The following GGTA1 variants were observed in gnomAD, a reference collection of about 807,000 sequenced individuals.
GGTA1 encodes glycoprotein alpha-galactosyltransferase 1 (inactive), also known as inactive N-acetyllactosaminide alpha-1,3-galactosyltransferase.
In GGTA1, 5 loss-of-function variants were observed where a neutral mutation model predicts 2.6. The observed-to-expected ratio is 1.92, with a 90% CI of 1.00 to 4.04. The LOEUF (loss-of-function observed/expected upper bound fraction) is 4.04. GGTA1 is among the 30% of genes most tolerant of loss of function. The pLI is 0.00. For synonymous variants in GGTA1, 17 were observed against 5.0 expected, an observed-to-expected ratio of 3.38 and a Z score of -3.19; for missense variants, 50 against 16.7, an observed-to-expected ratio of 2.99 and a Z score of -3.47.
intron 5 of GGTA1, among the ~76,000 whole-genome samples, chr9:121,459,838 A>T (rs2064945091): frequency 6.6e-6 from 1 of 152,208 alleles, no homozygotes; most frequent in Non-Finnish European, 1.5e-5. Flanking sequence ...TCTCAAATAC[A>T]ACCATGTTGA....
chr9:121,485,619 C>T (rs1006623874), intron 1 of GGTA1, among the ~76,000 whole-genome samples: 10 of 152,120 alleles, frequency 6.6e-5, no homozygotes, highest in African/African-American at 1.4e-4. Context: ...GGACTCAGGC[C>T]GGGCTCTGGA....
intron 1 of GGTA1, among the ~76,000 whole-genome samples, chr9:121,478,597 G>A (rs1303448763): frequency 1.3e-5 from 2 of 152,174 alleles, no homozygotes; most frequent in African/African-American, 4.8e-5. Context: ...TACAATTCAC[G>A]GGGAAGCAGG....
intron 5 of GGTA1, among the ~76,000 whole-genome samples, chr9:121,457,354 C>G (rs2064919930): frequency 6.6e-6 from 1 of 152,166 alleles, no homozygotes; most frequent in Admixed American, 6.5e-5. Context: ...AGGATGGTAT[C>G]TAATCTCACT....
In GGTA1 at chr9:121,488,230, G is replaced by A. The variant is rs963564324; in HGVS notation, c.-10+11420C>T. Among the ~76,000 whole-genome samples the A allele has an allele frequency of 4.6e-5, 7 of 152,202 alleles. No individual in the cohort carries two copies. The East Asian group carries it at 1.4e-3, about 29-fold the overall frequency. ...TCAGACATGATCATAGCACACTGTA[G>A]TCTCAAGCTCCTGGCCTCAAGCAAT... On this transcript the variant is annotated intron_variant, in intron 1 of 5. Coordinates refer to ENST00000481799, the MANE Select transcript of GGTA1 (RefSeq NM_001382585.1).
chr9:121,459,526 CA>C (rs1172581899), intron 5 of GGTA1, among the ~76,000 whole-genome samples: 1 of 152,242 alleles, frequency 6.6e-6, no homozygotes, highest in Non-Finnish European at 1.5e-5. Flanking sequence ...ATCTCCAGCA[CA>C]TACCATCTGC....
Position 121,476,201 on chromosome 9 carries a change from C to T in GGTA1, c.-9-8270G>A, listed in dbSNP as rs1326087330. Among the ~76,000 whole-genome samples the T allele has an allele frequency of 1.3e-5, 2 of 152,092 alleles. No individual in the cohort carries two copies. The highest frequency in any genetic ancestry group is 2.4e-5 in the African/African-American group (1 of 41,408). ...CAGCATCTCTCAGAACAGTCAGGAG[C>T]GAGTCCACACGCCAACTGCATGTTG... On this transcript the variant is annotated intron_variant, in intron 1 of 5. Transcript: ENST00000481799. This position sits in a 1 kb window ranked among gnomAD's most constrained non-coding sequence, Gnocchi z 4.6.
chr9:121,495,265 G>T (rs756493544), intron 1 of GGTA1, among the ~76,000 whole-genome samples: 3 of 151,972 alleles, frequency 2.0e-5, no homozygotes, highest in Non-Finnish European at 4.4e-5. Context: ...ACTATCCTGG[G>T]CCAGGCATGG....
At chr9:121,488,933 G>A (rs995485715) in intron 1 of GGTA1, among the ~76,000 whole-genome samples, 1 of 152,032 alleles carries the variant, frequency 6.6e-6, no homozygotes, top group African/African-American at 2.4e-5. Context: ...CAAGGATGTT[G>A]ACATCTTGAA....
intron 4 of GGTA1, 65 bp downstream of exon 4, chr9:121,461,187 G>C (rs909053330): frequency 2.3e-6 from 1 of 427,388 alleles, no homozygotes; most frequent in Non-Finnish European, 4.6e-6. Context: ...TGAAACCATT[G>C]TGTGTGGACC....
chr9:121,487,895 T>C (rs1449242892), intron 1 of GGTA1, among the ~76,000 whole-genome samples: 1 of 152,088 alleles, frequency 6.6e-6, no homozygotes, highest in Non-Finnish European at 1.5e-5. Context: ...TTTGTATTTT[T>C]AGCAGAGATG....
In GGTA1 at chr9:121,463,313, G is replaced by GATATATCACTTTTAGCAC; in HGVS notation, c.95_96insGTGCTAAAAGTGATATAT (p.Phe32delinsLeuCysTer). 2.2e-6 allele frequency: 1 copy of GATATATCACTTTTAGCAC among 452,148 alleles called. No homozygotes were observed. Among genetic ancestry groups the GATATATCACTTTTAGCAC allele is most frequent in the Non-Finnish European group, 4.4e-6 (1 of 225,456 alleles). The allele number at this position is 452,148 out of a possible 1,614,324, so 28.0% of individuals were successfully genotyped here. Reference sequence around the variant, plus strand: ...CTTACTTTGAGTGATATATCCACAAGAAAGAGCCTTCTGTGCTAAAAGCAA... The same window carrying GATATATCACTTTTAGCAC: ...CTTACTTTGAGTGATATATCCACAAGATATATCACTTTTAGCACAAAGAGCCTTCTGTGCTAAAAGCAA... On this transcript the variant is annotated stop_gained and protein_altering_variant, in exon 3 of 6. Transcript: ENST00000481799. LOFTEE classifies it high-confidence loss of function.
At chr9:121,454,483 T>A (rs535867397), downstream of GGTA1, among the ~76,000 whole-genome samples, 64 of 152,270 alleles carry the variant, frequency 4.2e-4, no homozygotes, top group African/African-American at 1.5e-3. Context: ...TAGGTGCTAT[T>A]TTGATTCCCA....
downstream of GGTA1, among the ~76,000 whole-genome samples, chr9:121,454,018 A>T (rs953276888): frequency 6.6e-6 from 1 of 152,062 alleles, no homozygotes; most frequent in Admixed American, 6.6e-5. Context: ...CACAGCTGGA[A>T]CTGGCCTGCT....
intron 1 of GGTA1, among the ~76,000 whole-genome samples, chr9:121,481,958 T>G (rs925173877): frequency 1.3e-5 from 2 of 150,080 alleles, no homozygotes; most frequent in Admixed American, 1.3e-4. Context: ...ATCATGCCAT[T>G]GCACTCCAGC....
At chr9:121,493,917 C>A (rs1307052612) in intron 1 of GGTA1, among the ~76,000 whole-genome samples, 1 of 152,002 alleles carries the variant, frequency 6.6e-6, no homozygotes, top group African/African-American at 2.4e-5. Flanking sequence ...CAACCACGCC[C>A]AGCTAATTTT....
downstream of GGTA1, among the ~76,000 whole-genome samples, chr9:121,450,438 C>T (rs946255675): frequency 1.8e-4 from 28 of 152,104 alleles, no homozygotes; most frequent in African/African-American, 6.5e-4. Flanking sequence ...GAAAACAAAC[C>T]AAACATTACA....
At chr9:121,450,810 C>A (rs944865997), downstream of GGTA1, among the ~76,000 whole-genome samples, 1 of 152,166 alleles carries the variant, frequency 6.6e-6, no homozygotes, top group Non-Finnish European at 1.5e-5. Context: ...GTTAGAGAGA[C>A]CACATAGGTC....
chr9:121,450,983 C>G (rs115734353), downstream of GGTA1, among the ~76,000 whole-genome samples: 1,114 of 152,214 alleles, frequency 7.3e-3, 15 homozygotes, highest in African/African-American at 0.026. Context: ...CTCAGATCAA[C>G]CTGAGCCTTC....
intron 4 of GGTA1, among the ~76,000 whole-genome samples, 161 bp downstream of exon 4, chr9:121,461,091 C>T (rs1309209904): frequency 6.6e-6 from 1 of 152,154 alleles, no homozygotes; most frequent in Non-Finnish European, 1.5e-5. Flanking sequence ...AAAACCAACC[C>T]TCAAATGTCC....
Sources: allele counts gnomAD v4.1 joint callset (sites outside exome capture counted in the v4.1 genomes callset), GRCh38; gene constraint gnomAD v4.1.1; non-coding constraint Gnocchi (gnomAD v3.1); transcripts MANE v1.5; gene names NCBI Gene and HGNC (gene_info 2026-07-23, HGNC 2026-07-21).